The following SLIT2 variants were observed in gnomAD, a reference collection of about 807,000 sequenced individuals.
SLIT2 encodes slit guidance ligand 2.
Under a neutral mutation model 185.7 loss-of-function variants are expected in SLIT2, and 41 were observed. The ratio of observed to expected loss-of-function variants is 0.22; its 90% CI spans 0.17 to 0.29. SLIT2 has a LOEUF of 0.29. Ranked by LOEUF, SLIT2 falls within the 10% of genes least tolerant of loss-of-function variation. The pLI is 1.00. For missense variants in SLIT2, 1,571 were observed against 1,909.0 expected (o/e 0.82, Z 3.30); for synonymous variants, 693 against 680.2 (o/e 1.02, Z -0.29).
chr4:20,448,060 T>C (rs1476181946), intron 4 of SLIT2, among the ~76,000 whole-genome samples: 1 of 152,224 alleles, frequency 6.6e-6, no homozygotes, highest in Non-Finnish European at 1.5e-5. Context: ...ATGGTAATAC[T>C]TGGAGCTCAA....
At chr4:20,535,555 G>A (rs1003677586) in intron 18 of SLIT2, among the ~76,000 whole-genome samples, 38 of 152,158 alleles carry the variant, frequency 2.5e-4, no homozygotes, top group African/African-American at 8.9e-4. Context: ...TCTTCAGGCG[G>A]CCATAATGAG....
rs372540867 is a variant in SLIT2, at chr4:20,528,374, A to G, written c.1463-575A>G. 1 of 533,980 alleles carries G rather than the reference A, an allele frequency of 1.9e-6. No homozygotes were observed. The highest frequency in any genetic ancestry group is 3.9e-6 in the Non-Finnish European group (1 of 259,642). 33.1% of individuals were successfully genotyped at this position (533,980 alleles called of 1,614,324 possible). On this transcript the variant is annotated intron_variant, in intron 15 of 36. Coordinates refer to ENST00000504154, the MANE Select transcript of SLIT2 (RefSeq NM_004787.4). This position sits in a 1 kb window ranked among gnomAD's most constrained non-coding sequence, Gnocchi z 4.2. ...CGTCAAGCACCATGGAACGTCACGC[A>G]GCTTTCTACAGCATGACAAGCTGCT...
chr4:20,370,000 T>A (rs1189780549), intron 4 of SLIT2, among the ~76,000 whole-genome samples: 1 of 152,152 alleles, frequency 6.6e-6, no homozygotes, highest in Non-Finnish European at 1.5e-5. Context: ...CCAGCAATTC[T>A]GCATCATATG....
chr4:20,444,340 TG>T (rs1317287106), intron 4 of SLIT2, among the ~76,000 whole-genome samples: 1 of 152,178 alleles, frequency 6.6e-6, no homozygotes, highest in Non-Finnish European at 1.5e-5. Context: ...TGTGTAAGAA[TG>T]TCATCTTGTT....
At chr4:20,431,900 T>C (rs1033332009) in intron 4 of SLIT2, among the ~76,000 whole-genome samples, 1 of 152,146 alleles carries the variant, frequency 6.6e-6, no homozygotes, top group East Asian at 1.9e-4. Context: ...ACTTGATTAT[T>C]GTAAGACATT....
Position 20,413,546 on chromosome 4 carries a change from T to G in SLIT2, c.396-54206T>G, listed in dbSNP as rs1451662066. ...TCATAGTTGAAAGTTGGCTTTGAAGTCTCCAACTATAATTTATAAATTGTT... is the reference window on the plus strand; with the variant it reads ...TCATAGTTGAAAGTTGGCTTTGAAGGCTCCAACTATAATTTATAAATTGTT... On this transcript the variant is annotated intron_variant, in intron 4 of 36. Coordinates refer to ENST00000504154, the MANE Select transcript of SLIT2 (RefSeq NM_004787.4). 2.0e-5 allele frequency among the ~76,000 whole-genome samples: 3 copies of G among 152,084 alleles called. No homozygotes were observed. In the East Asian group the frequency reaches 5.8e-4, roughly 29 times the overall value.
At chr4:20,290,863 G>T (rs1337946242) in intron 4 of SLIT2, among the ~76,000 whole-genome samples, 1 of 150,260 alleles carries the variant, frequency 6.7e-6, no homozygotes, top group Non-Finnish European at 1.5e-5. Flanking sequence ...CTATATATCA[G>T]AAAATCATAA....
intron 18 of SLIT2, among the ~76,000 whole-genome samples, chr4:20,534,154 A>T (rs955927471): frequency 6.6e-6 from 1 of 152,066 alleles, no homozygotes; most frequent in Admixed American, 6.5e-5. Flanking sequence ...ACACCTCTCT[A>T]TACTATACTT....
chr4:20,255,803 A>G (rs1205322303), intron 1 of SLIT2, among the ~76,000 whole-genome samples: 1 of 152,190 alleles, frequency 6.6e-6, no homozygotes, highest in Non-Finnish European at 1.5e-5. Flanking sequence ...TCTATCATTG[A>G]AACAGTTTGA....
intron 31 of SLIT2, 106 bp downstream of exon 31, chr4:20,595,940 T>C: frequency 1.1e-6 from 1 of 946,992 alleles, no homozygotes; most frequent in Non-Finnish European, 1.6e-6. Context: ...ACTAAAAGAG[T>C]ATAACTGGAT....
intron 4 of SLIT2, among the ~76,000 whole-genome samples, chr4:20,293,995 T>A (rs1716225925): frequency 6.6e-6 from 1 of 152,140 alleles, no homozygotes. Flanking sequence ...TACCTGAAAT[T>A]CACAGAACTG....
intron 33 of SLIT2, among the ~76,000 whole-genome samples, chr4:20,605,728 ATTTTATT>A (rs1182007551): frequency 1.6e-4 from 24 of 148,680 alleles, no homozygotes; most frequent in African/African-American, 5.0e-4. Flanking sequence ...ATTTTATTTT[ATTTTATT>A]TTATTTTATT....
At chr4:20,505,874 A>G (rs1475192872) in intron 9 of SLIT2, among the ~76,000 whole-genome samples, 1 of 152,052 alleles carries the variant, frequency 6.6e-6, no homozygotes, top group African/African-American at 2.4e-5. Context: ...AGACATGTAT[A>G]ATGAGGTAGC....
At chr4:20,415,070 T>C (rs1420958533) in intron 4 of SLIT2, among the ~76,000 whole-genome samples, 3 of 152,194 alleles carry the variant, frequency 2.0e-5, no homozygotes, top group Non-Finnish European at 2.9e-5. Context: ...TGAATATTTA[T>C]ATAAGTGTGC....
chr4:20,303,457 CTTTT>C lies in SLIT2; in HGVS notation c.395+34584_395+34587del, dbSNP rs755108032. Among the ~76,000 whole-genome samples the C allele has an allele frequency of 1.6e-3, 239 of 147,764 alleles. 2 individuals carry two copies. Among genetic ancestry groups the C allele is most frequent in the Admixed American group, 2.6e-3 (39 of 14,748 alleles). ...TAAAGCTAATATGGAATTACAGTTA[CTTTT>C]TTTTTTTATTTTGAAGATCATATAT... is the stretch of plus-strand genomic sequence containing the variant. On this transcript the variant is annotated intron_variant, in intron 4 of 36. Transcript: ENST00000504154.
At chr4:20,409,385 C>T (rs1237620900) in intron 4 of SLIT2, among the ~76,000 whole-genome samples, 1 of 152,142 alleles carries the variant, frequency 6.6e-6, no homozygotes, top group African/African-American at 2.4e-5. Context: ...ATCCATGTCC[C>T]TAAAAGGACA....
chr4:20,379,867 G>GT (rs1391544320), intron 4 of SLIT2, among the ~76,000 whole-genome samples: 1 of 152,228 alleles, frequency 6.6e-6, no homozygotes, highest in East Asian at 1.9e-4. Flanking sequence ...CAGAGGTGTA[G>GT]TATTTTTAAA....
chr4:20,599,244 G>T (rs750679661), intron 33 of SLIT2, among the ~76,000 whole-genome samples: 5 of 152,058 alleles, frequency 3.3e-5, no homozygotes, highest in African/African-American at 1.2e-4. Flanking sequence ...TATTCGTGGG[G>T]TATAATTTTT....
At chr4:20,493,013 T>C (rs1717913105) in intron 9 of SLIT2, among the ~76,000 whole-genome samples, 1 of 152,178 alleles carries the variant, frequency 6.6e-6, no homozygotes. Context: ...AATATCATTC[T>C]CATCAAAATT....
Sources: allele counts gnomAD v4.1 joint callset (sites outside exome capture counted in the v4.1 genomes callset), GRCh38; gene constraint gnomAD v4.1.1; non-coding constraint Gnocchi (gnomAD v3.1); transcripts MANE v1.5; gene names NCBI Gene and HGNC (gene_info 2026-07-23, HGNC 2026-07-21).